Variants in NTM observed in about 807,000 individuals in gnomAD.
The protein encoded by NTM is IgLON family member 2.
A neutral mutation model predicts 42.1 loss-of-function variants in NTM; 13 were observed. The ratio of observed to expected loss-of-function variants is 0.31; its 90% CI spans 0.20 to 0.49. The LOEUF is 0.49. Among genes scored for constraint, NTM ranks in the 20% least tolerant of loss-of-function variants. The pLI is 0.99. For missense variants in NTM, 373 were observed against 452.8 expected (o/e 0.82, Z 1.60); for synonymous variants, 187 against 179.2 (o/e 1.04, Z -0.35).
chr11:131,949,394 G>A (rs1243655080), intron 2 of NTM, among the ~76,000 whole-genome samples: 1 of 152,186 alleles, frequency 6.6e-6, no homozygotes. Context: ...CATAAAGGTG[G>A]AAGCTTTGTT....
chr11:131,675,375 T>G (rs2134704117), intron 1 of NTM, among the ~76,000 whole-genome samples: 1 of 152,344 alleles, frequency 6.6e-6, no homozygotes, highest in East Asian at 1.9e-4. Context: ...TAATAATTCA[T>G]TAGTATCTTA....
At chr11:131,416,554 C>T (rs1473922634) in intron 1 of NTM, among the ~76,000 whole-genome samples, 4 of 152,198 alleles carry the variant, frequency 2.6e-5, no homozygotes, top group African/African-American at 9.7e-5. Context: ...GCCAACTAGA[C>T]TTACCAGCAA....
chr11:132,041,540 G>A (rs2135784319), intron 2 of NTM, among the ~76,000 whole-genome samples: 1 of 152,166 alleles, frequency 6.6e-6, no homozygotes, highest in East Asian at 1.9e-4. Flanking sequence ...GCTGACTTGT[G>A]GGATTATTAA....
chr11:131,535,126 G>C (rs2051959648), intron 1 of NTM: 1 of 152,150 alleles, frequency 6.6e-6, no homozygotes, highest in Non-Finnish European at 1.5e-5. Flanking sequence ...GTGGTCCCGG[G>C]GACAGGTGTT....
chr11:131,972,121 G>GA (rs2063649270), intron 2 of NTM, among the ~76,000 whole-genome samples: 3 of 151,426 alleles, frequency 2.0e-5, no homozygotes, highest in Non-Finnish European at 2.9e-5. Flanking sequence ...GCTGAGGCAA[G>GA]AGGATCCCTT....
At chr11:131,503,363 A>G (rs2047066634) in intron 1 of NTM, among the ~76,000 whole-genome samples, 1 of 152,048 alleles carries the variant, frequency 6.6e-6, no homozygotes, top group Non-Finnish European at 1.5e-5. Context: ...TGAGTGTTGC[A>G]GTTTCCATCT....
intron 2 of NTM, among the ~76,000 whole-genome samples, chr11:132,096,976 A>G (rs2061080111): frequency 1.3e-5 from 2 of 152,160 alleles, no homozygotes; most frequent in African/African-American, 4.8e-5. Flanking sequence ...GTAGGCACTA[A>G]ATAAATTGCA....
rs376937787 is a variant in NTM at position 132,184,377 on chromosome 11, G to T, written c.401-27645G>T. Among the ~76,000 whole-genome samples the T allele has an allele frequency of 2.2e-4, 33 of 152,236 alleles. No homozygotes were observed. The East Asian group carries it at 4.5e-3, about 21-fold the overall frequency. On this transcript the variant is annotated intron_variant, in intron 3 of 8. Coordinates refer to ENST00000683400, the MANE Select transcript of NTM (RefSeq NM_001352005.2). The stretch of plus-strand genomic sequence containing the variant: ...CTTTGTGCTTCCTTGGCACAGCTGT[G>T]GGGGGCAGTGCACTGCCCCAGTTCC...
At chr11:132,144,247 T>G (rs2069831336) in intron 2 of NTM, among the ~76,000 whole-genome samples, 1 of 152,194 alleles carries the variant, frequency 6.6e-6, no homozygotes, top group African/African-American at 2.4e-5. Context: ...GGCCATCAGC[T>G]TTGGCATTAC....
At chr11:131,399,848 T>A (rs1052388565) in intron 1 of NTM, among the ~76,000 whole-genome samples, 1 of 152,150 alleles carries the variant, frequency 6.6e-6, no homozygotes, top group Non-Finnish European at 1.5e-5. Flanking sequence ...GATGGCTGGT[T>A]ATCCAGACAG....
intron 4 of NTM, among the ~76,000 whole-genome samples, chr11:132,216,850 G>T (rs1455266332): frequency 6.6e-6 from 1 of 152,200 alleles, no homozygotes; most frequent in Non-Finnish European, 1.5e-5. Context: ...TGGAGACCTG[G>T]AGTGTTTCTG....
intron 1 of NTM, among the ~76,000 whole-genome samples, chr11:131,785,317 A>G (rs897084825): frequency 1.3e-5 from 2 of 152,234 alleles, no homozygotes; most frequent in Non-Finnish European, 1.5e-5. Flanking sequence ...GATCAGAAGC[A>G]GAAATGAAGA....
chr11:131,639,732 C>A (rs1390531059), intron 1 of NTM, among the ~76,000 whole-genome samples: 1 of 152,000 alleles, frequency 6.6e-6, no homozygotes. Flanking sequence ...CCGAGGCAGG[C>A]AGATCACAAG....
rs138293937 is a variant in NTM, at chr11:132,318,203, G to A, written c.934+3500G>A. On this transcript the variant is annotated intron_variant, in intron 7 of 8. Coordinates refer to ENST00000683400, the MANE Select transcript of NTM (RefSeq NM_001352005.2). ...ACAGTGATTTCTAGGGGTGCTACTG[G>A]GGTCCAGGTTAGGGCCTGACGTCCA... 2.1e-3 allele frequency among the ~76,000 whole-genome samples: 318 copies of A among 152,250 alleles called. 5 individuals carry two copies. Among genetic ancestry groups the A allele is most frequent in the Admixed American group, 0.018 (279 of 15,282 alleles).
chr11:132,295,259 G>A (rs1002479520), intron 4 of NTM, among the ~76,000 whole-genome samples: 10 of 152,090 alleles, frequency 6.6e-5, no homozygotes, highest in Non-Finnish European at 1.2e-4. Flanking sequence ...CAATTGATAT[G>A]ATATAACGAT....
chr11:132,020,422 C>T (rs1383709855), intron 2 of NTM, among the ~76,000 whole-genome samples: 1 of 149,716 alleles, frequency 6.7e-6, no homozygotes, highest in Non-Finnish European at 1.5e-5. Context: ...ATTTCTTTTA[C>T]ATTGTCTTAT....
At chr11:132,266,976 C>T (rs1457680134) in intron 4 of NTM, among the ~76,000 whole-genome samples, 1 of 152,136 alleles carries the variant, frequency 6.6e-6, no homozygotes, top group African/African-American at 2.4e-5. Context: ...GGAAAGTTGG[C>T]GTATCAAATC....
At chr11:132,079,956 C>G (rs1021559352) in intron 2 of NTM, among the ~76,000 whole-genome samples, 1 of 151,874 alleles carries the variant, frequency 6.6e-6, no homozygotes, top group Non-Finnish European at 1.5e-5. Flanking sequence ...TTTTAAATTT[C>G]GAAATATGAC....
chr11:131,800,039 G>A (rs2091970046), intron 1 of NTM, among the ~76,000 whole-genome samples: 1 of 152,178 alleles, frequency 6.6e-6, no homozygotes, highest in Non-Finnish European at 1.5e-5. Flanking sequence ...AGCACCTGGT[G>A]TGGTTCTCAG....
Sources: gnomAD v4.1 joint callset for allele counts (sites outside exome capture counted in the v4.1 genomes callset) on GRCh38, gnomAD v4.1.1 for gene constraint, MANE v1.5 for transcripts, NCBI Gene and HGNC (gene_info 2026-07-23, HGNC 2026-07-21) for gene names.